LRIG3: variants seen among roughly 807,000 people sequenced by gnomAD.
LRIG3 encodes the protein leucine rich repeats and immunoglobulin like domains 3.
In LRIG3, 76 loss-of-function variants were observed where a neutral mutation model predicts 114.5. The ratio of observed to expected loss-of-function variants is 0.66; its 90% CI spans 0.55 to 0.80. The LOEUF (loss-of-function observed/expected upper bound fraction) is 0.80. LRIG3 is among the 30% of genes least tolerant of loss of function. The pLI is 0.00. For synonymous variants in LRIG3, 512 were observed against 519.8 expected, an observed-to-expected ratio of 0.98 and a Z score of 0.20; for missense variants, 1,239 against 1,382.8, an observed-to-expected ratio of 0.90 and a Z score of 1.65.
chr12:58,894,886 G>A (rs771379064), intron 3 of LRIG3, among the ~76,000 whole-genome samples: 3 of 152,144 alleles, frequency 2.0e-5, no homozygotes, highest in Non-Finnish European at 4.4e-5. Context: ...AGTACAGGGA[G>A]TTCCATGGTT....
At chr12:58,891,356 C>T in intron 3 of LRIG3, among the ~76,000 whole-genome samples, 1 of 152,112 alleles carries the variant, frequency 6.6e-6, no homozygotes, top group Non-Finnish European at 1.5e-5. Flanking sequence ...AATCCTCCAG[C>T]CTCAGCCTCC....
At chr12:58,913,794 C>T (rs1872370832) in intron 3 of LRIG3, 188 bp downstream of exon 3, 3 of 555,240 alleles carry the variant, frequency 5.4e-6, no homozygotes, top group Non-Finnish European at 6.3e-6. Flanking sequence ...TATAAGAATA[C>T]ATGAAATTTA....
At chr12:58,910,794 G>C (rs1206774008) in intron 3 of LRIG3, among the ~76,000 whole-genome samples, 5 of 152,136 alleles carry the variant, frequency 3.3e-5, no homozygotes, top group African/African-American at 1.2e-4. Flanking sequence ...AGGCTCTTTT[G>C]TTCAACTACA....
At position 58,880,740 on chromosome 12, in the gene LRIG3, T is replaced by C. The variant is rs1753384360; in HGVS notation, c.1642A>G (p.Asn548Asp). The C allele has an allele frequency of 6.2e-7, 1 of 1,614,096 alleles. No homozygotes were observed. Among genetic ancestry groups the C allele is most frequent in the African/African-American group, 1.3e-5 (1 of 74,926 alleles). ...CCTTGGGCCCGGAGGTGTGCATAATTTTCCATTTCAGCATCATGCAGTAGT... is the reference window on the plus strand; with the variant it reads ...CCTTGGGCCCGGAGGTGTGCATAATCTTCCATTTCAGCATCATGCAGTAGT... ...NELLHDAEME[N>D]YAHLRAQGGE... Residue 548 changes from asparagine to aspartate, a missense_variant, in exon 13 of 19, where the codon AAT (asparagine) becomes GAT (aspartate). Transcript: ENST00000320743.
intron 3 of LRIG3, among the ~76,000 whole-genome samples, chr12:58,891,678 C>T (rs17121676): frequency 0.017 from 2,656 of 152,212 alleles, 76 homozygotes; most frequent in African/African-American, 0.053. Context: ...CCATAGTCTT[C>T]AACACCAATG....
At chr12:58,917,798 A>G (rs1872534456) in intron 1 of LRIG3, among the ~76,000 whole-genome samples, 1 of 152,222 alleles carries the variant, frequency 6.6e-6, no homozygotes, top group African/African-American at 2.4e-5. Flanking sequence ...GGAAGGTAAG[A>G]TATGGGGAAC....
chr12:58,884,273 T>G (rs1447131994), intron 10 of LRIG3, among the ~76,000 whole-genome samples: 1 of 152,222 alleles, frequency 6.6e-6, no homozygotes, highest in African/African-American at 2.4e-5. Context: ...TCTGGATTAA[T>G]TCTCTTTATA....
chr12:58,906,028 T>C (rs993175102), intron 3 of LRIG3, among the ~76,000 whole-genome samples: 1 of 152,156 alleles, frequency 6.6e-6, no homozygotes, highest in Non-Finnish European at 1.5e-5. Flanking sequence ...AGCCCATTCA[T>C]CTGCATCAGG....
Position 58,877,250 on chromosome 12 carries a change from T to A in LRIG3, c.2536+150A>T. 5.2e-6 allele frequency: 4 copies of A among 762,048 alleles called. No individual in the cohort carries two copies. The South Asian group carries it at 6.0e-5, about 11-fold the overall frequency. 47.2% of individuals were successfully genotyped at this position (762,048 alleles called of 1,614,324 possible). ...ACATCAGCTTTATTTGGGGCTGGAGTTTTTTAGCGAATCATATTTCTGCAG... is the reference window on the plus strand; with the variant it reads ...ACATCAGCTTTATTTGGGGCTGGAGATTTTTAGCGAATCATATTTCTGCAG... On this transcript the variant is annotated intron_variant, in intron 15 of 18. Coordinates refer to ENST00000320743, the MANE Select transcript of LRIG3 (RefSeq NM_153377.5).
At chr12:58,905,113 G>T (rs1036214248) in intron 3 of LRIG3, among the ~76,000 whole-genome samples, 1 of 152,166 alleles carries the variant, frequency 6.6e-6, no homozygotes, top group East Asian at 1.9e-4. Flanking sequence ...TGCTCAATGG[G>T]CCAACAGGAT....
intron 3 of LRIG3, chr12:58,913,519 C>T (rs1872359563): frequency 6.6e-6 from 1 of 152,640 alleles, no homozygotes; most frequent in Non-Finnish European, 1.5e-5. Context: ...CTCTGATTTA[C>T]ACTGCAGGTA....
rs1456400600 is a variant in LRIG3 at position 58,872,807 on chromosome 12, C to A, written c.3125G>T (p.Gly1042Val). The change falls in exon 19 of 19, where the codon GGA (glycine) becomes GTA (valine). Residue 1042 changes from glycine (G) to valine (V), a missense_variant. Physicochemically the swap from Gly to Val is moderately radical, Grantham distance 109 (BLOSUM62 -3). Transcript: ENST00000320743. The part of the protein sequence containing the change: ...ASSNSFMGTF[G>V]KALRRPHLDA... Reference sequence around the variant, plus strand: ...TAGGTGAGGTCTCCTGAGAGCTTTTCCAAAGGTACCTGAAAGAAAGAAACA... The same window carrying A: ...TAGGTGAGGTCTCCTGAGAGCTTTTACAAAGGTACCTGAAAGAAAGAAACA... 1 of 1,610,916 alleles carries A rather than the reference C, an allele frequency of 6.2e-7. No individual in the cohort carries two copies. Among genetic ancestry groups the A allele is most frequent in the Admixed American group, 1.7e-5 (1 of 59,728 alleles).
At chr12:58,883,103 T>G in intron 11 of LRIG3, 71 bp from the exon 12 acceptor site, 1 of 1,444,632 alleles carries the variant, frequency 6.9e-7, no homozygotes, top group Non-Finnish European at 9.4e-7. Flanking sequence ...TAAACCCAAG[T>G]AAATATTAAC....
intron 18 of LRIG3, 130 bp from the exon 19 acceptor site, chr12:58,872,946 G>A (rs1482270332): frequency 8.1e-7 from 1 of 1,231,824 alleles, no homozygotes; most frequent in Admixed American, 2.5e-5. Flanking sequence ...CCACATTATG[G>A]CACTCACATA....
Position 58,876,603 on chromosome 12 carries a change from T to C in LRIG3, c.2537A>G (p.Asp846Gly). 1 of 1,614,162 alleles carries C rather than the reference T, an allele frequency of 6.2e-7. No individual in the cohort carries two copies. The highest frequency in any genetic ancestry group is 8.5e-7 in the Non-Finnish European group (1 of 1,180,006). Residue 846 changes from aspartate to glycine, a missense_variant and splice_region_variant, in exon 16 of 19, where the codon GAT (aspartate) becomes GGT (glycine). Transcript: ENST00000320743. ...AATATCTGCTGGCAAGTTGGTCTCA[T>C]CTGTAATAAAACAGCAGCATTTTAT... ...RNEDCSITNT[D>G]ETNLPADIPS...
At chr12:58,890,389 A>T (rs1871416742) in intron 4 of LRIG3, among the ~76,000 whole-genome samples, 1 of 152,224 alleles carries the variant, frequency 6.6e-6, no homozygotes, top group South Asian at 2.1e-4. Context: ...TTTATTAATA[A>T]AACATAGCAA....
chr12:58,873,167 T>A (rs1307272214), intron 18 of LRIG3, among the ~76,000 whole-genome samples: 1 of 152,164 alleles, frequency 6.6e-6, no homozygotes, highest in Admixed American at 6.5e-5. Context: ...GTGTGTTGGA[T>A]GGTAACATCC....
At chr12:58,890,516 G>T in intron 4 of LRIG3, 149 bp downstream of exon 4, 1 of 643,968 alleles carries the variant, frequency 1.6e-6, no homozygotes, top group South Asian at 3.3e-5. Context: ...TGAAGATTGT[G>T]GTCATTCGAG....
intron 12 of LRIG3, among the ~76,000 whole-genome samples, chr12:58,881,999 C>G (rs1379354617): frequency 6.6e-6 from 1 of 152,168 alleles, no homozygotes; most frequent in Non-Finnish European, 1.5e-5. Context: ...ATGCCAAAAG[C>G]TTATTCAGTT....
Sources: allele counts gnomAD v4.1 joint callset (sites outside exome capture counted in the v4.1 genomes callset), GRCh38; gene constraint gnomAD v4.1.1; transcripts MANE v1.5; gene names NCBI Gene and HGNC (gene_info 2026-07-23, HGNC 2026-07-21).